The following ST8SIA5 variants were observed in gnomAD, a reference collection of about 807,000 sequenced individuals.
ST8SIA5 encodes the protein alpha-2,8-sialyltransferase 8E.
In ST8SIA5, 24 loss-of-function variants were observed where a neutral mutation model predicts 40.2. That is an observed-to-expected ratio of 0.60 (90% CI 0.43 to 0.84). The LOEUF is 0.84. Ranked by LOEUF, ST8SIA5 falls within the 40% of genes least tolerant of loss-of-function variation. ST8SIA5 has a pLI of 0.00. For synonymous variants in ST8SIA5, 198 were observed against 201.8 expected, an observed-to-expected ratio of 0.98 and a Z score of 0.16; for missense variants, 465 against 498.5, an observed-to-expected ratio of 0.93 and a Z score of 0.64.
intron 1 of ST8SIA5, chr18:46,721,510 C>T (rs764661773): frequency 1.8e-5 from 27 of 1,499,012 alleles, no homozygotes; most frequent in Non-Finnish European, 2.3e-5. Flanking sequence ...TGCTCATTTG[C>T]TGGGTTAAGC....
At chr18:46,719,670 C>CT (rs1475714164) in intron 1 of ST8SIA5, among the ~76,000 whole-genome samples, 3 of 151,096 alleles carry the variant, frequency 2.0e-5, no homozygotes, top group African/African-American at 7.3e-5. Context: ...CTATCTTTCT[C>CT]TTTCTTTTCT....
intron 2 of ST8SIA5, among the ~76,000 whole-genome samples, chr18:46,693,098 T>C (rs140279828): frequency 1.3e-5 from 2 of 152,212 alleles, no homozygotes; most frequent in African/African-American, 4.8e-5. Context: ...GCCTCCTGTT[T>C]CTAGGGATCT....
chr18:46,672,386 A>G lies in ST8SIA5; in HGVS notation c.*7656T>C, dbSNP rs1463618687. 6.6e-6 allele frequency: 1 copy of G among 152,202 alleles called. No individual in the cohort carries two copies. Among genetic ancestry groups the G allele is most frequent in the Non-Finnish European group, 1.5e-5 (1 of 68,030 alleles). 9.4% of individuals were successfully genotyped at this position (152,202 alleles called of 1,614,324 possible). A position where few individuals can be genotyped will look rare whatever the true frequency, so the allele number is the denominator to read the frequency against. On this transcript the variant is annotated 3_prime_UTR_variant, in exon 7 of 7. Transcript: ENST00000315087. The stretch of plus-strand genomic sequence containing the variant: ...AAGGACCTGGCTTGGGGATTATTTT[A>G]TAAAGACTTCCAGGTGATTCCTATG...
chr18:46,742,093 T>C (rs1395676357), intron 1 of ST8SIA5, among the ~76,000 whole-genome samples: 2 of 150,154 alleles, frequency 1.3e-5, no homozygotes, highest in East Asian at 1.9e-4. Context: ...AGAGCGACGC[T>C]CCATGTAAAA....
chr18:46,719,013 C>T (rs2039823455), intron 1 of ST8SIA5, among the ~76,000 whole-genome samples: 1 of 152,142 alleles, frequency 6.6e-6, no homozygotes, highest in African/African-American at 2.4e-5. Context: ...ACCATTATTT[C>T]CCACATGTGG....
chr18:46,702,850 A>G (rs911432501), intron 2 of ST8SIA5, among the ~76,000 whole-genome samples: 12 of 152,358 alleles, frequency 7.9e-5, no homozygotes, highest in Admixed American at 2.0e-4. Context: ...AGTGAAACTG[A>G]TAGGTGGTGT....
At chr18:46,692,350 A>C in intron 2 of ST8SIA5, 95 bp from the exon 3 acceptor site, 1 of 1,092,588 alleles carries the variant, frequency 9.2e-7, no homozygotes, top group East Asian at 2.4e-5. Flanking sequence ...CCCATAGGCC[A>C]AGTCCAGTCC....
chr18:46,742,779 C>T lies in ST8SIA5; in HGVS notation c.131+13599G>A, dbSNP rs149036123. Among the ~76,000 whole-genome samples, 820 of 152,274 alleles carry T rather than the reference C, an allele frequency of 5.4e-3. 6 individuals are homozygous for T. The highest frequency in any genetic ancestry group is 0.018 in the African/African-American group (762 of 41,564). On this transcript the variant is annotated intron_variant, in intron 1 of 6. Transcript: ENST00000315087. ...CCTCCTCAAGGGGGTCCCTGACCCC[C>T]GTATAGCCTAACTGGGAGACACCTC...
At chr18:46,755,949 A>G (rs1290566680) in intron 1 of ST8SIA5, among the ~76,000 whole-genome samples, 2 of 151,118 alleles carry the variant, frequency 1.3e-5, no homozygotes, top group Non-Finnish European at 2.9e-5. Context: ...ACGAAAGTTC[A>G]GGACTCGCGA....
chr18:46,755,173 C>G (rs2040229975), intron 1 of ST8SIA5, among the ~76,000 whole-genome samples: 1 of 152,170 alleles, frequency 6.6e-6, no homozygotes, highest in African/African-American at 2.4e-5. Flanking sequence ...GGGGAAACAG[C>G]CTAAGTGCTC....
At chr18:46,690,291 C>G (rs1298784929) in intron 3 of ST8SIA5, among the ~76,000 whole-genome samples, 2 of 152,170 alleles carry the variant, frequency 1.3e-5, no homozygotes, top group African/African-American at 4.8e-5. Flanking sequence ...CTTCTAGCAC[C>G]CACCTGACAC....
chr18:46,679,830 GGGCCA>G lies in ST8SIA5; in HGVS notation c.*207_*211del. ...ACGCACTGGGCGGATGCACCGGTGG[GGGCCA>G]GGCCAGGAGGCTCAGCACAGAGCTG... On this transcript the variant is annotated 3_prime_UTR_variant, in exon 7 of 7. Coordinates refer to ENST00000315087, the MANE Select transcript of ST8SIA5 (RefSeq NM_013305.6). 1 of 597,054 alleles carries G rather than the reference GGGCCA, an allele frequency of 1.7e-6. No individual in the cohort carries two copies. Among genetic ancestry groups the G allele is most frequent in the Non-Finnish European group, 2.9e-6 (1 of 340,788 alleles). 37.0% of individuals were successfully genotyped at this position (597,054 alleles called of 1,614,324 possible).
At chr18:46,751,522 G>A (rs2040195572) in intron 1 of ST8SIA5, among the ~76,000 whole-genome samples, 1 of 151,914 alleles carries the variant, frequency 6.6e-6, no homozygotes, top group African/African-American at 2.4e-5. Flanking sequence ...TCAGCCTCCT[G>A]AGTAGCTGGG....
chr18:46,685,110 C>G (rs1295701642), intron 5 of ST8SIA5, among the ~76,000 whole-genome samples: 2 of 152,110 alleles, frequency 1.3e-5, no homozygotes, highest in Non-Finnish European at 2.9e-5. Flanking sequence ...TATCCTTATC[C>G]CCATTTTGCA....
chr18:46,735,076 C>A (rs1394780600), intron 1 of ST8SIA5, among the ~76,000 whole-genome samples: 1 of 152,272 alleles, frequency 6.6e-6, no homozygotes, highest in Non-Finnish European at 1.5e-5. Context: ...TGGCCTTCAT[C>A]TTTCTCCATG....
intron 1 of ST8SIA5, among the ~76,000 whole-genome samples, chr18:46,722,387 C>T (rs1568269252): frequency 6.6e-6 from 1 of 152,208 alleles, no homozygotes; most frequent in Non-Finnish European, 1.5e-5. Context: ...GCTCTTTTCT[C>T]TTATCAGAGA....
At chr18:46,734,642 C>T (rs1170449020) in intron 1 of ST8SIA5, among the ~76,000 whole-genome samples, 2 of 152,178 alleles carry the variant, frequency 1.3e-5, no homozygotes, top group Non-Finnish European at 1.5e-5. Flanking sequence ...GAGCCCCCAT[C>T]CTGTTTCAAG....
At position 46,679,948 on chromosome 18, in the gene ST8SIA5, G is replaced by T; in HGVS notation, c.*94C>A. On this transcript the variant is annotated 3_prime_UTR_variant, in exon 7 of 7. Coordinates refer to ENST00000315087, the MANE Select transcript of ST8SIA5 (RefSeq NM_013305.6). ...GGAGGGAGAGACAGCCTGAACGCCA[G>T]GACCCCACGCTGCCCGGTTCGGGGC... The T allele has an allele frequency of 8.2e-7, 1 of 1,223,282 alleles. No individual in the cohort carries two copies. The highest frequency in any genetic ancestry group is 1.5e-5 in the South Asian group (1 of 66,740). 75.8% of individuals were successfully genotyped at this position (1,223,282 alleles called of 1,614,324 possible).
rs575968489 is a variant in ST8SIA5, at chr18:46,706,325, C to T, written c.132-1661G>A. Among the ~76,000 whole-genome samples the T allele has an allele frequency of 9.1e-4, 138 of 152,236 alleles. 1 individual carries two copies. Among genetic ancestry groups the T allele is most frequent in the Middle Eastern group, 6.8e-3 (2 of 294 alleles). ...AAATATCAAACACCTTTGTGTCTTA[C>T]AGCTCCTTTTCTTTCTCATCTGGCA... On this transcript the variant is annotated intron_variant, in intron 1 of 6. Coordinates refer to ENST00000315087, the MANE Select transcript of ST8SIA5 (RefSeq NM_013305.6).
Sources: allele counts gnomAD v4.1 joint callset (sites outside exome capture counted in the v4.1 genomes callset), GRCh38; gene constraint gnomAD v4.1.1; transcripts MANE v1.5; gene names NCBI Gene and HGNC (gene_info 2026-07-23, HGNC 2026-07-21).